Variants in ATXN7L1 observed in about 807,000 individuals in gnomAD.
The protein encoded by ATXN7L1 is ataxin 7 like 1.
A neutral mutation model predicts 70.8 loss-of-function variants in ATXN7L1; 15 were observed. The ratio of observed to expected loss-of-function variants is 0.21; its 90% CI spans 0.14 to 0.33. The LOEUF (loss-of-function observed/expected upper bound fraction) is 0.33, where lower values mean the gene tolerates loss of function less well. Ranked by LOEUF, ATXN7L1 falls within the 10% of genes least tolerant of loss-of-function variation. The pLI is 1.00. For synonymous variants in ATXN7L1, 440 were observed against 445.1 expected (o/e 0.99, Z 0.14); for missense variants, 975 against 1,097.1 (o/e 0.89, Z 1.57).
chr7:105,648,431 G>C (rs1799380921), intron 4 of ATXN7L1, among the ~76,000 whole-genome samples: 1 of 152,174 alleles, frequency 6.6e-6, no homozygotes, highest in Non-Finnish European at 1.5e-5. Flanking sequence ...CTAGCCATCG[G>C]GCCAGCCTTT....
At chr7:105,615,916 C>G (rs1015328511) in intron 9 of ATXN7L1, among the ~76,000 whole-genome samples, 4 of 152,138 alleles carry the variant, frequency 2.6e-5, no homozygotes, top group African/African-American at 9.7e-5. Flanking sequence ...CTGGGAGTGA[C>G]TCCTCCTTCC....
intron 4 of ATXN7L1, among the ~76,000 whole-genome samples, chr7:105,654,033 C>T (rs1432075435): frequency 6.6e-6 from 1 of 152,208 alleles, no homozygotes; most frequent in Non-Finnish European, 1.5e-5. Flanking sequence ...AGACTGTGAG[C>T]TGCCTGATGA....
chr7:105,828,546 G>C (rs2116580816), intron 2 of ATXN7L1, among the ~76,000 whole-genome samples: 1 of 152,328 alleles, frequency 6.6e-6, no homozygotes, highest in South Asian at 2.1e-4. Flanking sequence ...GAATATGAAT[G>C]TAAGAACTGA....
chr7:105,656,576 CTTT>C (rs10690416), intron 4 of ATXN7L1, among the ~76,000 whole-genome samples: 1 of 139,914 alleles, frequency 7.1e-6, no homozygotes, highest in Non-Finnish European at 1.5e-5. Context: ...CTTCTTCTTC[CTTT>C]TTTTTTTTTT....
intron 2 of ATXN7L1, among the ~76,000 whole-genome samples, chr7:105,793,637 G>A (rs953937543): frequency 6.6e-6 from 1 of 152,198 alleles, no homozygotes; most frequent in Admixed American, 6.5e-5. Flanking sequence ...AAGAAAACAT[G>A]TGCCCAATGA....
intron 2 of ATXN7L1, among the ~76,000 whole-genome samples, chr7:105,810,360 C>T (rs1196629022): frequency 1.3e-5 from 2 of 152,178 alleles, no homozygotes; most frequent in Non-Finnish European, 2.9e-5. Flanking sequence ...CTGGCAAGAC[C>T]CTTGCCTTGT....
intron 2 of ATXN7L1, among the ~76,000 whole-genome samples, chr7:105,869,468 A>C (rs966076758): frequency 4.6e-5 from 7 of 152,192 alleles, no homozygotes; most frequent in African/African-American, 1.4e-4. Context: ...TTGGATTCTA[A>C]GAAAACTTCA....
intron 3 of ATXN7L1, among the ~76,000 whole-genome samples, chr7:105,684,069 G>T (rs1009991144): frequency 6.6e-6 from 1 of 152,224 alleles, no homozygotes; most frequent in Non-Finnish European, 1.5e-5. Context: ...GGTGCATCAG[G>T]TAAGCAGTGT....
At chr7:105,708,368 C>T (rs1793442365) in intron 3 of ATXN7L1, among the ~76,000 whole-genome samples, 1 of 152,196 alleles carries the variant, frequency 6.6e-6, no homozygotes, top group Admixed American at 6.5e-5. Flanking sequence ...TCTTGTTCCT[C>T]TTCCTCTCTT....
intron 2 of ATXN7L1, among the ~76,000 whole-genome samples, chr7:105,828,476 G>A (rs1200698290): frequency 6.6e-6 from 1 of 152,088 alleles, no homozygotes; most frequent in Non-Finnish European, 1.5e-5. Flanking sequence ...AATCCCATGG[G>A]ATGAGGAAAA....
At chr7:105,835,293 TACA>T (rs1812214760) in intron 2 of ATXN7L1, among the ~76,000 whole-genome samples, 1 of 151,400 alleles carries the variant, frequency 6.6e-6, no homozygotes, top group Admixed American at 6.6e-5. Context: ...AAGCTGGGAC[TACA>T]GGCGCATGCC....
intron 2 of ATXN7L1, among the ~76,000 whole-genome samples, chr7:105,821,317 G>C (rs1371241729): frequency 6.6e-6 from 1 of 152,180 alleles, no homozygotes; most frequent in African/African-American, 2.4e-5. Flanking sequence ...GCGATTACAG[G>C]CGTGAGCCAC....
chr7:105,837,730 GC>G, intron 2 of ATXN7L1, among the ~76,000 whole-genome samples: 1 of 152,298 alleles, frequency 6.6e-6, no homozygotes, highest in East Asian at 1.9e-4. Context: ...CTGGGGATCT[GC>G]TTTACTGTCT....
At chr7:105,771,322 C>T (rs1801980234) in intron 3 of ATXN7L1, among the ~76,000 whole-genome samples, 1 of 151,906 alleles carries the variant, frequency 6.6e-6, no homozygotes, top group African/African-American at 2.4e-5. Context: ...TTTTGAGAAT[C>T]AAAGGACAGG....
intron 3 of ATXN7L1, among the ~76,000 whole-genome samples, chr7:105,766,524 T>C (rs777103525): frequency 6.6e-6 from 1 of 152,162 alleles, no homozygotes; most frequent in African/African-American, 2.4e-5. Context: ...AAATGAGAAA[T>C]GCACCTATCA....
chr7:105,624,886 T>C (rs561059657), intron 7 of ATXN7L1, among the ~76,000 whole-genome samples: 65 of 152,282 alleles, frequency 4.3e-4, no homozygotes, highest in Non-Finnish European at 7.4e-4. Flanking sequence ...CGTGACAAAG[T>C]GAACTGAACC....
chr7:105,751,114 C>T (rs1410895842), intron 3 of ATXN7L1, among the ~76,000 whole-genome samples: 2 of 152,126 alleles, frequency 1.3e-5, no homozygotes, highest in Non-Finnish European at 2.9e-5. Context: ...TTTACTTTGC[C>T]AGGAAGGGTG....
At chr7:105,737,264 A>C (rs185405556) in intron 3 of ATXN7L1, among the ~76,000 whole-genome samples, 41 of 152,278 alleles carry the variant, frequency 2.7e-4, no homozygotes, top group African/African-American at 8.2e-4. Flanking sequence ...ATGGTGATTA[A>C]ATCTTCTTTC....
chr7:105,756,825 C>A (rs1438384111), intron 3 of ATXN7L1, among the ~76,000 whole-genome samples: 4 of 152,156 alleles, frequency 2.6e-5, no homozygotes, highest in Non-Finnish European at 4.4e-5. Context: ...CAGGTACCTG[C>A]AGTAAGTCCA....
Sources: allele counts gnomAD v4.1 joint callset (sites outside exome capture counted in the v4.1 genomes callset), GRCh38; gene constraint gnomAD v4.1.1; transcripts MANE v1.5; gene names NCBI Gene and HGNC (gene_info 2026-07-23, HGNC 2026-07-21).